Variants in FAM47E observed in about 807,000 individuals in gnomAD.
The protein encoded by FAM47E is family with sequence similarity 47 member E.
Under a neutral mutation model 41.6 loss-of-function variants are expected in FAM47E, and 32 were observed. The observed-to-expected ratio is 0.77, with a 90% confidence interval of 0.58 to 1.03. FAM47E has a LOEUF of 1.03. Ranked by LOEUF, FAM47E falls within the 50% of genes least tolerant of loss-of-function variation. The pLI is 0.00. For missense variants in FAM47E, 424 were observed against 485.4 expected, an observed-to-expected ratio of 0.87 and a Z score of 1.19; for synonymous variants, 184 against 188.7, an observed-to-expected ratio of 0.98 and a Z score of 0.20.
intron 2 of FAM47E, among the ~76,000 whole-genome samples, chr4:76,256,819 T>G (rs1245699403): frequency 6.6e-6 from 1 of 152,160 alleles, no homozygotes; most frequent in African/African-American, 2.4e-5. Context: ...TTTCTACCCA[T>G]CTACTGTACT....
chr4:76,274,530 A>G (rs1052542110), intron 5 of FAM47E, among the ~76,000 whole-genome samples: 5 of 152,174 alleles, frequency 3.3e-5, no homozygotes, highest in Non-Finnish European at 5.9e-5. Context: ...ATAGTGAGCT[A>G]TGATTGTGCC....
chr4:76,267,253 A>T (rs763303602), intron 3 of FAM47E, among the ~76,000 whole-genome samples: 34 of 152,234 alleles, frequency 2.2e-4, no homozygotes, highest in Non-Finnish European at 4.3e-4. Flanking sequence ...AGGGGCTATG[A>T]ATAAAGAGTA....
intron 1 of FAM47E, among the ~76,000 whole-genome samples, chr4:76,254,192 C>G (rs1003236791): frequency 2.0e-5 from 3 of 151,458 alleles, no homozygotes; most frequent in Admixed American, 2.0e-4. Context: ...TTTAGGATCT[C>G]TGCCAGTTCT....
rs1735302423 is a variant in FAM47E, at chr4:76,280,547, T to C, written c.1104+206T>C. ...ATTTTGCCCTTTTTATTCTGCCTAT[T>C]TGGTTTCTGCTACTATCAGAGATAC... On this transcript the variant is annotated intron_variant, in intron 7 of 7. Coordinates refer to ENST00000424749, the MANE Select transcript of FAM47E (RefSeq NM_001136570.3). The C allele has an allele frequency of 2.8e-5, 13 of 465,454 alleles. No individual in the cohort carries two copies. In the South Asian group the frequency reaches 5.0e-4, roughly 18 times the overall value. The allele number at this position is 465,454 out of a possible 1,614,324, so 28.8% of individuals were successfully genotyped here. A position where few individuals can be genotyped will look rare whatever the true frequency, so the allele number is the denominator to read the frequency against.
intron 3 of FAM47E, chr4:76,267,406 G>A (rs1189476900): frequency 6.6e-6 from 1 of 152,250 alleles, no homozygotes; most frequent in Non-Finnish European, 1.5e-5. Context: ...GGAGCAGCAT[G>A]AATTCACAGA....
rs1266503029 is a variant in FAM47E, at chr4:76,282,346, G to A, written c.1105-1035G>A. ...CTGTGGCAAGATGAGGGCATTTATAGCCCTATCTTATCCATATGGACAGGC... is the reference window on the plus strand; with the variant it reads ...CTGTGGCAAGATGAGGGCATTTATAACCCTATCTTATCCATATGGACAGGC... On this transcript the variant is annotated intron_variant, in intron 7 of 7. Coordinates refer to ENST00000424749, the MANE Select transcript of FAM47E (RefSeq NM_001136570.3). 4 of 152,248 alleles carry A rather than the reference G, an allele frequency of 2.6e-5. No homozygotes were observed. In the South Asian group the frequency reaches 6.2e-4, roughly 24 times the overall value. The allele number at this position is 152,248 out of a possible 1,614,324, so 9.4% of individuals were successfully genotyped here. A position where few individuals can be genotyped will look rare whatever the true frequency, so the allele number is the denominator to read the frequency against.
chr4:76,247,910 CTT>C (rs753751295), upstream of FAM47E, among the ~76,000 whole-genome samples: 2,380 of 86,674 alleles, frequency 0.027, 31 homozygotes, highest in African/African-American at 0.091. Flanking sequence ...CACTCTCTCT[CTT>C]TTTTTTTTTT....
intron 2 of FAM47E, among the ~76,000 whole-genome samples, chr4:76,235,802 G>A (rs558466009): frequency 1.2e-4 from 19 of 152,328 alleles, no homozygotes; most frequent in African/African-American, 4.3e-4. Flanking sequence ...TTTACTGGGA[G>A]CTTAACTACA....
intron 3 of FAM47E, among the ~76,000 whole-genome samples, chr4:76,264,747 C>T (rs554535224): frequency 1.3e-5 from 2 of 152,074 alleles, no homozygotes; most frequent in Non-Finnish European, 2.9e-5. Flanking sequence ...AGGTGCCCAC[C>T]ACCACACCTG....
At chr4:76,241,171 C>T (rs1486936698) in intron 2 of FAM47E, among the ~76,000 whole-genome samples, 1 of 152,126 alleles carries the variant, frequency 6.6e-6, no homozygotes, top group Non-Finnish European at 1.5e-5. Flanking sequence ...CTAAGCCTGT[C>T]CCTGGGCACG....
intron 2 of FAM47E, among the ~76,000 whole-genome samples, chr4:76,222,020 TAC>T (rs1733318211): frequency 6.6e-6 from 1 of 152,234 alleles, no homozygotes; most frequent in Non-Finnish European, 1.5e-5. Flanking sequence ...CCACCTGGTA[TAC>T]TAATATCTCT....
intron 2 of FAM47E, among the ~76,000 whole-genome samples, chr4:76,243,220 A>G (rs945686289): frequency 3.3e-5 from 5 of 152,220 alleles, no homozygotes; most frequent in Non-Finnish European, 5.9e-5. Context: ...CACTCAGTCT[A>G]TGGTATTTTG....
chr4:76,231,313 A>C (rs1733488497), intron 2 of FAM47E, among the ~76,000 whole-genome samples: 1 of 152,158 alleles, frequency 6.6e-6, no homozygotes, highest in Middle Eastern at 3.2e-3. Context: ...AATTCCTCAG[A>C]ATTAGAATGT....
intron 2 of FAM47E, chr4:76,234,458 G>A (rs922697862): frequency 6.6e-6 from 1 of 152,204 alleles, no homozygotes; most frequent in Non-Finnish European, 1.5e-5. Context: ...AGGAAGAAAA[G>A]GAAGAAACAG....
chr4:76,226,567 C>T (rs1733402691), intron 2 of FAM47E, among the ~76,000 whole-genome samples: 1 of 152,110 alleles, frequency 6.6e-6, no homozygotes, highest in Non-Finnish European at 1.5e-5. Flanking sequence ...CACTCTTTGG[C>T]ACAGAGCTTG....
chr4:76,252,322 A>T (rs1393956299), intron 1 of FAM47E, among the ~76,000 whole-genome samples: 4 of 152,110 alleles, frequency 2.6e-5, no homozygotes, highest in African/African-American at 9.7e-5. Flanking sequence ...AACATTTTGT[A>T]CGGTTGTGGT....
intron 2 of FAM47E, among the ~76,000 whole-genome samples, chr4:76,237,835 C>G (rs1458227763): frequency 6.6e-6 from 1 of 152,164 alleles, no homozygotes; most frequent in Non-Finnish European, 1.5e-5. Flanking sequence ...AGAACTCACT[C>G]ACTATAACAA....
intron 2 of FAM47E, 26 bp downstream of exon 2, chr4:76,256,549 G>A (rs1397869698): frequency 1.3e-6 from 2 of 1,510,870 alleles, no homozygotes; most frequent in Non-Finnish European, 1.8e-6. Flanking sequence ...GTTTGTGGGA[G>A]GGGCTTCACT....
At chr4:76,221,255 C>T (rs910150162) in intron 2 of FAM47E, among the ~76,000 whole-genome samples, 2 of 152,260 alleles carry the variant, frequency 1.3e-5, no homozygotes, top group African/African-American at 4.8e-5. Flanking sequence ...CGACCACTGC[C>T]TCACTGGTCC....
Sources: gnomAD v4.1 joint callset for allele counts (sites outside exome capture counted in the v4.1 genomes callset) on GRCh38, gnomAD v4.1.1 for gene constraint, MANE v1.5 for transcripts, NCBI Gene and HGNC (gene_info 2026-07-23, HGNC 2026-07-21) for gene names.